The following EXOG variants were observed in gnomAD, a reference collection of about 807,000 sequenced individuals.
EXOG encodes the protein exo/endonuclease G, also known as nuclease EXOG, mitochondrial.
A neutral mutation model predicts 25.8 loss-of-function variants in EXOG; 27 were observed. That is an observed-to-expected ratio of 1.05 (90% CI 0.77 to 1.45). The LOEUF is 1.45. Ranked by LOEUF, EXOG falls within the 40% of genes most tolerant of loss-of-function variation. The probability of loss-of-function intolerance (pLI) is 0.00; values close to 1 mark genes in which losing one functional copy is unlikely to be tolerated. For synonymous variants in EXOG, 133 were observed against 167.0 expected, an observed-to-expected ratio of 0.80 and a Z score of 1.57; for missense variants, 458 against 450.5, an observed-to-expected ratio of 1.02 and a Z score of -0.15.
rs149413458 is a variant in EXOG, at chr3:38,496,443, G to T, written c.76G>T (p.Val26Leu). 91 of 1,614,040 alleles carry T rather than the reference G, an allele frequency of 5.6e-5. No homozygotes were observed. The highest frequency in any genetic ancestry group is 7.7e-5 in the Non-Finnish European group (91 of 1,180,032). ...GAGCGGCTTCGTGGCTGGGGCTGTA[G>T]TGGGCGCTGCGGGAGCTGGGCTCGC... ...FLSGFVAGAV[V>L]GAAGAGLAAL... Residue 26 changes from valine to leucine, a missense_variant, in exon 1 of 6, where the codon GTG (valine) becomes TTG (leucine). Val to Leu is a conservative substitution (Grantham distance 32). Transcript: ENST00000287675.
Position 38,525,009 on chromosome 3 carries a change from C to A in EXOG, c.*647C>A. ...CCTCTGTGTAGTTCCTGTCCACATG[C>A]ACTATATATTTGTTTCTTTTTTCTC... On this transcript the variant is annotated 3_prime_UTR_variant, in exon 6 of 6. Transcript: ENST00000287675. The A allele has an allele frequency of 2.0e-6, 2 of 985,236 alleles. No individual in the cohort carries two copies. Among genetic ancestry groups the A allele is most frequent in the Non-Finnish European group, 2.4e-6 (2 of 829,784 alleles). 61.0% of individuals were successfully genotyped at this position (985,236 alleles called of 1,614,324 possible). A position where few individuals can be genotyped will look rare whatever the true frequency, so the allele number is the denominator to read the frequency against.
At chr3:38,508,643 C>G (rs2125772489) in intron 5 of EXOG, among the ~76,000 whole-genome samples, 1 of 151,254 alleles carries the variant, frequency 6.6e-6, no homozygotes, top group South Asian at 2.1e-4. Flanking sequence ...TTAATAAATG[C>G]TGGTTAGGTA....
chr3:38,522,199 A>G (rs2060737611), intron 5 of EXOG, among the ~76,000 whole-genome samples: 1 of 152,240 alleles, frequency 6.6e-6, no homozygotes, highest in Non-Finnish European at 1.5e-5. Context: ...TGGGACCTTC[A>G]TGTGTGACAG....
chr3:38,504,651 G>T (rs2060149069), intron 4 of EXOG, among the ~76,000 whole-genome samples: 1 of 152,082 alleles, frequency 6.6e-6, no homozygotes, highest in Non-Finnish European at 1.5e-5. Context: ...GGCCAGGCTA[G>T]TCTTGAACTC....
intron 2 of EXOG, among the ~76,000 whole-genome samples, chr3:38,500,396 C>G (rs1200957825): frequency 1.3e-5 from 2 of 152,128 alleles, no homozygotes; most frequent in Non-Finnish European, 2.9e-5. Context: ...CCAAAGATAA[C>G]TAGCTGTAGA....
chr3:38,516,554 T>C (rs1440855515), intron 5 of EXOG, among the ~76,000 whole-genome samples: 2 of 152,226 alleles, frequency 1.3e-5, no homozygotes, highest in Non-Finnish European at 2.9e-5. Flanking sequence ...AGATATCTTG[T>C]TCCTTTCCTC....
chr3:38,518,678 G>A (rs939496455), intron 5 of EXOG, among the ~76,000 whole-genome samples: 5 of 152,174 alleles, frequency 3.3e-5, no homozygotes, highest in Non-Finnish European at 5.9e-5. Context: ...AAGCATATAT[G>A]TGTTTTTACT....
Position 38,496,344 on chromosome 3 carries a change from T to C in EXOG, c.-24T>C, listed in dbSNP as rs758255272. 3 of 1,605,404 alleles carry C rather than the reference T, an allele frequency of 1.9e-6. No individual in the cohort carries two copies. The highest frequency in any genetic ancestry group is 2.2e-5 in the East Asian group (1 of 44,620). On this transcript the variant is annotated 5_prime_UTR_variant, in exon 1 of 6. Coordinates refer to ENST00000287675, the MANE Select transcript of EXOG (RefSeq NM_005107.4). ...CGGCATGCGCGCGCATGCGCCGTGG[T>C]AAAAGGCCGGTACCTCGGGCAAGAT...
intron 5 of EXOG, among the ~76,000 whole-genome samples, chr3:38,518,497 C>G (rs1260650144): frequency 6.6e-6 from 1 of 152,208 alleles, no homozygotes; most frequent in Non-Finnish European, 1.5e-5. Context: ...TTCCCACTTT[C>G]AAGGCAATGT....
At chr3:38,510,030 A>G (rs1403128312) in intron 5 of EXOG, among the ~76,000 whole-genome samples, 2 of 152,190 alleles carry the variant, frequency 1.3e-5, no homozygotes, top group Admixed American at 1.3e-4. Context: ...TTAATCACAA[A>G]GTAAGAAATA....
intron 5 of EXOG, among the ~76,000 whole-genome samples, chr3:38,507,933 C>G (rs1158418164): frequency 6.6e-6 from 1 of 152,112 alleles, no homozygotes; most frequent in Non-Finnish European, 1.5e-5. Flanking sequence ...GAGTTCGAGA[C>G]CAGCCTGGCC....
In EXOG at chr3:38,525,099, C is replaced by T. The variant is rs555447455; in HGVS notation, c.*737C>T. On this transcript the variant is annotated 3_prime_UTR_variant, in exon 6 of 6. Coordinates refer to ENST00000287675, the MANE Select transcript of EXOG (RefSeq NM_005107.4). ...AGAAGCACTCAGCAACTAGTTTCTG[C>T]TCATTAAATGTGTTCTATATACTAG... The T allele has an allele frequency of 1.3e-4, 127 of 975,986 alleles. No individual in the cohort carries two copies. The highest frequency in any genetic ancestry group is 1.5e-4 in the Non-Finnish European group (123 of 821,564). 60.5% of individuals were successfully genotyped at this position (975,986 alleles called of 1,614,324 possible). A position where few individuals can be genotyped will look rare whatever the true frequency, so the allele number is the denominator to read the frequency against.
Position 38,523,790 on chromosome 3 carries a change from G to A in EXOG, c.646-111G>A, listed in dbSNP as rs1293560321. The A allele has an allele frequency of 5.9e-6, 4 of 672,464 alleles. No homozygotes were observed. The Admixed American group carries it at 1.2e-4, about 20-fold the overall frequency. The allele number at this position is 672,464 out of a possible 1,614,324, so 41.7% of individuals were successfully genotyped here. A position where few individuals can be genotyped will look rare whatever the true frequency, so the allele number is the denominator to read the frequency against. On this transcript the variant is annotated intron_variant, in intron 5 of 5. Transcript: ENST00000287675. The stretch of plus-strand genomic sequence containing the variant: ...GAATTTAAATTCATTAGAACAGAGT[G>A]GGATGGCTTATAAGTACATTTCAGC...
chr3:38,517,960 G>C (rs923901831), intron 5 of EXOG, among the ~76,000 whole-genome samples: 5 of 151,996 alleles, frequency 3.3e-5, no homozygotes, highest in African/African-American at 1.2e-4. Flanking sequence ...CTTTATTTCA[G>C]GTAGAATTTT....
rs1257449218 is a variant in EXOG at position 38,524,103 on chromosome 3, A to G, written c.848A>G (p.His283Arg). The G allele has an allele frequency of 1.2e-6, 2 of 1,613,902 alleles. No homozygotes were observed. Among genetic ancestry groups the G allele is most frequent in the Non-Finnish European group, 1.7e-6 (2 of 1,179,928 alleles). Residue 283 changes from histidine to arginine, a missense_variant, in exon 6 of 6, where the codon CAT becomes CGT. Transcript: ENST00000287675. The stretch of plus-strand genomic sequence containing the variant: ...TTGTCAGGACTGGTGTTTTTTCCTC[A>G]TTTGGATAGAACTAGTGATATCCGG... ...EKLSGLVFFP[H>R]LDRTSDIRNI...
rs148926505 is a variant in EXOG, at chr3:38,524,047, A to T, written c.792A>T (p.Glu264Asp). 124 of 1,614,158 alleles carry T rather than the reference A, an allele frequency of 7.7e-5. No homozygotes were observed. In the African/African-American group the frequency reaches 1.5e-3, roughly 19 times the overall value. ...TCGGCTTCCAGCCCCAGTTAACTGAATTCCAAGTGAGCCTCCAGGACCTAG... is the reference window on the plus strand; with the variant it reads ...TCGGCTTCCAGCCCCAGTTAACTGATTTCCAAGTGAGCCTCCAGGACCTAG... ...EAIGFQPQLT[E>D]FQVSLQDLEK... is the part of the protein sequence containing the mutation. Residue 264 changes from glutamate (E) to aspartate (D), a missense_variant, in exon 6 of 6, where the codon GAA (glutamate) becomes GAT (aspartate). By Grantham distance (45) the Glu-to-Asp change is conservative. Transcript: ENST00000287675.
chr3:38,497,008 TGAA>T, intron 1 of EXOG: 1 of 1,044,140 alleles, frequency 9.6e-7, no homozygotes, highest in East Asian at 1.0e-4. Flanking sequence ...ATTGTTCAGT[TGAA>T]GAATACCTGC....
chr3:38,507,058 C>A (rs2060223392), intron 5 of EXOG, 90 bp downstream of exon 5: 4 of 582,292 alleles, frequency 6.9e-6, no homozygotes, highest in East Asian at 3.4e-5. Flanking sequence ...TTTTATCATT[C>A]AAAAAAAATT....
rs767613802 is a variant in EXOG, at chr3:38,503,703, G to C, written c.530+12G>C. 4 of 1,473,518 alleles carry C rather than the reference G, an allele frequency of 2.7e-6. No individual in the cohort carries two copies. In the South Asian group the frequency reaches 4.5e-5, roughly 17 times the overall value. 91.3% of individuals were successfully genotyped at this position (1,473,518 alleles called of 1,614,324 possible). ...GGATATTGGAACAGGTGAGGGATGA[G>C]AGTTTTAAAAACATGATTCTATGGA... On this transcript the variant is annotated intron_variant, in intron 4 of 5. Coordinates refer to ENST00000287675, the MANE Select transcript of EXOG (RefSeq NM_005107.4).
Sources: gnomAD v4.1 joint callset for allele counts (sites outside exome capture counted in the v4.1 genomes callset) on GRCh38, gnomAD v4.1.1 for gene constraint, MANE v1.5 for transcripts, NCBI Gene and HGNC (gene_info 2026-07-23, HGNC 2026-07-21) for gene names.